Variants in TMCC2 observed in about 807,000 individuals in gnomAD.
TMCC2 encodes transmembrane and coiled-coil domain family 2.
A neutral mutation model predicts 49.4 loss-of-function variants in TMCC2; 16 were observed. The observed-to-expected ratio is 0.32, with a 90% CI of 0.22 to 0.49. The LOEUF is 0.49. TMCC2 is among the 20% of genes least tolerant of loss of function. The pLI is 0.99. For synonymous variants in TMCC2, 397 were observed against 434.1 expected, an observed-to-expected ratio of 0.91 and a Z score of 1.06; for missense variants, 762 against 989.8, an observed-to-expected ratio of 0.77 and a Z score of 3.09.
At chr1:205,246,032 C>T (rs140733598) in intron 2 of TMCC2, among the ~76,000 whole-genome samples, 1 of 152,194 alleles carries the variant, frequency 6.6e-6, no homozygotes, top group Non-Finnish European at 1.5e-5. Context: ...TTTCCTCAGC[C>T]TCCCGAAGTG....
intron 2 of TMCC2, among the ~76,000 whole-genome samples, chr1:205,242,962 G>A (rs1245736859): frequency 6.6e-6 from 1 of 152,220 alleles, no homozygotes; most frequent in Non-Finnish European, 1.5e-5. Context: ...GCACTTTTGG[G>A]GATTGACAGG....
At chr1:205,244,232 T>C (rs1192517584) in intron 2 of TMCC2, among the ~76,000 whole-genome samples, 1 of 152,088 alleles carries the variant, frequency 6.6e-6, no homozygotes, top group East Asian at 1.9e-4. Context: ...GGGAAGCACC[T>C]GAGCCCACCT....
chr1:205,271,701 C>T (rs539715821), intron 4 of TMCC2, 112 bp from the exon 5 acceptor site: 42 of 1,402,390 alleles, frequency 3.0e-5, no homozygotes, highest in African/African-American at 5.7e-5. Flanking sequence ...TCCTCCTGGC[C>T]TTTGGAGAGG....
intron 2 of TMCC2, chr1:205,267,976 C>T (rs1180906136): frequency 1.0e-6 from 1 of 985,378 alleles, no homozygotes. Context: ...TGCTCCTCTC[C>T]CAATTCTCGG....
intron 2 of TMCC2, among the ~76,000 whole-genome samples, chr1:205,267,641 C>T (rs1183488901): frequency 6.6e-6 from 1 of 152,152 alleles, no homozygotes; most frequent in Non-Finnish European, 1.5e-5. Flanking sequence ...CAGGCCTCCC[C>T]GCTTTCAGCC....
At chr1:205,229,559 T>TGGGGGGGGGGGGGGGGGGGGGGGGGGGG (rs1659706107) in intron 1 of TMCC2, 1 of 189,970 alleles carries the variant, frequency 5.3e-6, no homozygotes, top group Non-Finnish European at 5.8e-6. Flanking sequence ...GGGGGGGGGG[T>TGGGGGGGGGGGGGGGGGGGGGGGGGGGG]GGTGGCGGGG....
intron 2 of TMCC2, among the ~76,000 whole-genome samples, chr1:205,267,068 A>G (rs1661369899): frequency 6.6e-6 from 1 of 152,186 alleles, no homozygotes; most frequent in Admixed American, 6.5e-5. Context: ...CAGAGTCCTG[A>G]AGGTATGAGC....
chr1:205,269,053 G>A lies in TMCC2; in HGVS notation c.851G>A (p.Arg284Gln), dbSNP rs748767579. 16 of 1,613,504 alleles carry A rather than the reference G, an allele frequency of 9.9e-6. No homozygotes were observed. Among genetic ancestry groups the A allele is most frequent in the Non-Finnish European group, 8.5e-6 (10 of 1,180,030 alleles). The change falls in exon 3 of 5, where the codon CGG (arginine) becomes CAG (glutamine). Residue 284 changes from arginine (R) to glutamine (Q), a missense_variant. Around this residue, in one of 2 missense-constraint regions of TMCC2, gnomAD observed 440 missense variants for 636.7 expected, o/e 0.69. Transcript: ENST00000358024. ...CCCGATGGGGCACCGGACCCCCAGC[G>A]GACCAAGGCCGCCATTGACCACCTG... is the stretch of plus-strand genomic sequence containing the variant. Reference protein sequence around the residue: ...DVPDGAPDPQRTKAAIDHLHQ... With the variant: ...DVPDGAPDPQQTKAAIDHLHQ...
At position 205,268,999 on chromosome 1, in the gene TMCC2, A is replaced by G. The variant is rs1439587286; in HGVS notation, c.797A>G (p.Asp266Gly). The G allele has an allele frequency of 6.2e-7, 1 of 1,613,230 alleles. No individual in the cohort carries two copies. Among genetic ancestry groups the G allele is most frequent in the East Asian group, 2.2e-5 (1 of 44,872 alleles). Residue 266 changes from aspartate to glycine, a missense_variant, in exon 3 of 5, where the codon GAC becomes GGC. By Grantham distance (94) the Asp-to-Gly change is moderately conservative. This residue lies in a region of TMCC2 where 440 missense variants were observed against 636.7 expected (regional missense o/e 0.69). Coordinates refer to ENST00000358024, the MANE Select transcript of TMCC2 (RefSeq NM_014858.4). ...CTGAGCCTCCCCGCCGGCCATGGTG[A>G]CACCGACGGCCCCATCAGCCTGGAC... ...VALSLPAGHG[D>G]TDGPISLDVP...
chr1:205,238,369 G>T (rs201437140), intron 1 of TMCC2, among the ~76,000 whole-genome samples: 1 of 152,078 alleles, frequency 6.6e-6, no homozygotes, highest in Admixed American at 6.5e-5. Context: ...TATCAGTGAG[G>T]AAAAACCCCT....
At chr1:205,229,483 G>T in intron 1 of TMCC2, 1 of 340,718 alleles carries the variant, frequency 2.9e-6, no homozygotes, top group Non-Finnish European at 4.0e-6. Context: ...ACCGTGCCGG[G>T]CCCCATTGGG....
chr1:205,236,591 G>T (rs550119120), intron 1 of TMCC2: 9 of 152,356 alleles, frequency 5.9e-5, no homozygotes, highest in Non-Finnish European at 1.2e-4. Context: ...CTGCTGTCCA[G>T]TCACTCATAT....
At chr1:205,258,537 C>T (rs1406704988) in intron 2 of TMCC2, among the ~76,000 whole-genome samples, 4 of 152,136 alleles carry the variant, frequency 2.6e-5, no homozygotes, top group African/African-American at 7.2e-5. Flanking sequence ...TGGGAGCACC[C>T]GGGTCAGCTG....
At chr1:205,244,552 C>T (rs1660387339) in intron 2 of TMCC2, among the ~76,000 whole-genome samples, 2 of 152,128 alleles carry the variant, frequency 1.3e-5, no homozygotes, top group Non-Finnish European at 1.5e-5. Flanking sequence ...CAGGAACTCA[C>T]GGGTGACCTG....
At chr1:205,257,945 G>C (rs1176195682) in intron 2 of TMCC2, among the ~76,000 whole-genome samples, 4 of 152,152 alleles carry the variant, frequency 2.6e-5, no homozygotes, top group African/African-American at 9.7e-5. Flanking sequence ...GGACAAAAGG[G>C]CTTTGTTCTC....
At chr1:205,238,925 G>A (rs1182118285) in intron 1 of TMCC2, among the ~76,000 whole-genome samples, 2 of 152,172 alleles carry the variant, frequency 1.3e-5, no homozygotes, top group African/African-American at 4.8e-5. Context: ...AAATCGGAAC[G>A]CACTTTGCAA....
chr1:205,269,574 G>A lies in TMCC2; in HGVS notation c.1372G>A (p.Ala458Thr), dbSNP rs1240584832. 1 of 1,613,890 alleles carries A rather than the reference G, an allele frequency of 6.2e-7. No homozygotes were observed. The highest frequency in any genetic ancestry group is 1.7e-5 in the Admixed American group (1 of 60,032). ...PLEDGPPEEA[A>T]RALSGSATLV... ...GGAAGATGGGCCCCCTGAGGAGGCA[G>A]CCCGGGCACTGAGCGGCAGTGCCAC... Residue 458 changes from alanine to threonine, a missense_variant, in exon 3 of 5, where the codon GCC becomes ACC. By Grantham distance (58) the Ala-to-Thr change is moderately conservative. Around this residue, in one of 2 missense-constraint regions of TMCC2, gnomAD observed 440 missense variants for 636.7 expected, o/e 0.69. Transcript: ENST00000358024.
intron 2 of TMCC2, among the ~76,000 whole-genome samples, chr1:205,250,301 G>A (rs953327473): frequency 2.0e-5 from 3 of 152,162 alleles, no homozygotes; most frequent in Admixed American, 6.5e-5. Flanking sequence ...AGCACTTTGG[G>A]AGGCCGAGGT....
intron 2 of TMCC2, among the ~76,000 whole-genome samples, chr1:205,244,025 A>G (rs1558646934): frequency 6.6e-6 from 1 of 152,248 alleles, no homozygotes; most frequent in Non-Finnish European, 1.5e-5. Context: ...AGTGAAATGC[A>G]TAGAAGGGGC....
Sources: allele counts gnomAD v4.1 joint callset (sites outside exome capture counted in the v4.1 genomes callset), GRCh38; gene constraint gnomAD v4.1.1; regional missense constraint gnomAD v4.1.1; transcripts MANE v1.5; gene names NCBI Gene and HGNC (gene_info 2026-07-23, HGNC 2026-07-21).